Variants in DMD observed in about 807,000 individuals in gnomAD.
The protein encoded by DMD is dystrophin, also known as mutant dystrophin.
Under a neutral mutation model 330.1 loss-of-function variants are expected in DMD, and 63 were observed. The ratio of observed to expected loss-of-function variants is 0.19; its 90% CI spans 0.16 to 0.24. The LOEUF is 0.24. Ranked by LOEUF, DMD falls within the 10% of genes least tolerant of loss-of-function variation. DMD has a pLI of 1.00. For missense variants in DMD, 3,344 were observed against 2,684.1 expected (o/e 1.25, Z -5.43); for synonymous variants, 1,223 against 959.8 (o/e 1.27, Z -5.07).
chrX:32,868,670 C>A (rs1378625802), intron 2 of DMD, among the ~76,000 whole-genome samples: 1 of 112,746 alleles, frequency 8.9e-6, no homozygotes, highest in Non-Finnish European at 1.9e-5. Context: ...GGACTCTGAC[C>A]CATCCCTCCT....
intron 36 of DMD, among the ~76,000 whole-genome samples, chrX:32,363,416 G>T (rs1327827082): frequency 3.6e-5 from 4 of 111,849 alleles, no homozygotes; most frequent in African/African-American, 9.7e-5. Flanking sequence ...GCACTTTCAA[G>T]TTCCTCTTTA....
chrX:32,558,409 G>C (rs1463343791), intron 16 of DMD, among the ~76,000 whole-genome samples: 1 of 111,839 alleles, frequency 8.9e-6, no homozygotes, highest in East Asian at 2.8e-4. Context: ...ACTTGTATTT[G>C]TCTTTATGTG....
intron 60 of DMD, among the ~76,000 whole-genome samples, chrX:31,439,564 T>C (rs1425936968): frequency 2.7e-5 from 3 of 112,244 alleles, no homozygotes. Flanking sequence ...ATCTAATAGC[T>C]GGAAATGCCT....
intron 44 of DMD, among the ~76,000 whole-genome samples, chrX:32,201,687 A>G (rs963608927): frequency 9.0e-6 from 1 of 111,409 alleles, no homozygotes; most frequent in Non-Finnish European, 1.9e-5. Context: ...TTCCAAATCC[A>G]CTATAGTTCT....
intron 48 of DMD, among the ~76,000 whole-genome samples, chrX:31,844,725 C>G (rs867854078): frequency 9.0e-6 from 1 of 111,223 alleles, no homozygotes. Flanking sequence ...GTAGTTAGCC[C>G]TGTAGAGATC....
chrX:33,203,975 A>G (rs2051422220), intron 1 of DMD, among the ~76,000 whole-genome samples: 1 of 110,940 alleles, frequency 9.0e-6, no homozygotes, highest in Non-Finnish European at 1.9e-5. Flanking sequence ...ACCAATTCCT[A>G]TTGATTCTAT....
At chrX:33,123,509 C>T (rs1367509500) in intron 1 of DMD, among the ~76,000 whole-genome samples, 2 of 110,415 alleles carry the variant, frequency 1.8e-5, no homozygotes, top group Non-Finnish European at 3.8e-5. Flanking sequence ...CTCCGCCTCC[C>T]GGGTTCAAGC....
intron 2 of DMD, among the ~76,000 whole-genome samples, chrX:33,008,889 C>A (rs1282951510): frequency 1.3e-5 from 1 of 76,339 alleles, no homozygotes; most frequent in Non-Finnish European, 2.6e-5. Flanking sequence ...TGTATATATA[C>A]GTGTATATAT....
chrX:32,050,142 A>T (rs1401403908), intron 44 of DMD, among the ~76,000 whole-genome samples: 2 of 111,773 alleles, frequency 1.8e-5, no homozygotes, highest in Non-Finnish European at 3.8e-5. Flanking sequence ...ACAAATGTGC[A>T]GGTCCGGAAA....
intron 1 of DMD, among the ~76,000 whole-genome samples, chrX:33,045,303 C>G (rs1363434712): frequency 2.1e-5 from 2 of 96,874 alleles, no homozygotes; most frequent in Non-Finnish European, 4.1e-5. Context: ...GAACTACACA[C>G]ACACAGGTGC....
chrX:33,307,798 G>A (rs1369016256), intron 1 of DMD, among the ~76,000 whole-genome samples: 1 of 111,296 alleles, frequency 9.0e-6, no homozygotes, highest in Non-Finnish European at 1.9e-5. Flanking sequence ...CTATTGTTAG[G>A]GTAGAAAGCA....
At chrX:32,269,859 C>A (rs2097359187) in intron 43 of DMD, among the ~76,000 whole-genome samples, 1 of 111,899 alleles carries the variant, frequency 8.9e-6, no homozygotes, top group Non-Finnish European at 1.9e-5. Flanking sequence ...GGAGTCCTTC[C>A]CTCATCACTG....
At chrX:32,697,645 C>A (rs1168848366) in intron 9 of DMD, among the ~76,000 whole-genome samples, 1 of 111,292 alleles carries the variant, frequency 9.0e-6, no homozygotes, top group Non-Finnish European at 1.9e-5. Context: ...AAAGTAGAAA[C>A]CATTACGGGA....
rs1212609852 is a variant in DMD at position 32,797,809 on chromosome X, TA to T, written c.649+11683del. Among the ~76,000 whole-genome samples the T allele has an allele frequency of 7.1e-3, 752 of 105,295 alleles. 1 individual carries two copies. Among genetic ancestry groups the T allele is most frequent in the African/African-American group, 9.0e-3 (263 of 29,317 alleles). 91.4% of individuals were successfully genotyped at this position (105,295 alleles called of 115,157 possible). ...AGGATATTGTTATTTCACCTGTAAT[TA>T]AAAAAAAAAAGTTGTGAAAATAATC... On this transcript the variant is annotated intron_variant, in intron 7 of 78. Transcript: ENST00000357033.
intron 57 of DMD, among the ~76,000 whole-genome samples, chrX:31,491,446 G>C (rs1232776448): frequency 8.9e-6 from 1 of 112,319 alleles, no homozygotes; most frequent in Non-Finnish European, 1.9e-5. Flanking sequence ...AATTGAAAAC[G>C]AGTCAGTCTA....
chrX:33,150,760 C>A (rs1030042119), intron 1 of DMD, among the ~76,000 whole-genome samples: 1 of 109,567 alleles, frequency 9.1e-6, no homozygotes, highest in African/African-American at 3.3e-5. Context: ...ATTTCATGCT[C>A]TTTTCCAGGC....
chrX:32,166,896 T>C (rs1355482774), intron 44 of DMD, among the ~76,000 whole-genome samples: 1 of 112,059 alleles, frequency 8.9e-6, no homozygotes, highest in Admixed American at 9.5e-5. Flanking sequence ...TTTTAAATAA[T>C]AAAGTTGAGC....
intron 55 of DMD, among the ~76,000 whole-genome samples, chrX:31,554,513 C>T: frequency 8.9e-6 from 1 of 111,997 alleles, no homozygotes; most frequent in South Asian, 3.8e-4. Context: ...AGGCGTTGAT[C>T]ATATTTTACA....
intron 1 of DMD, among the ~76,000 whole-genome samples, chrX:33,051,940 C>T (rs1466234792): frequency 9.0e-6 from 1 of 110,916 alleles, no homozygotes; most frequent in African/African-American, 3.3e-5. Flanking sequence ...TGAGTCACCG[C>T]GCCCGACCTA....
Sources: allele counts gnomAD v4.1 joint callset (sites outside exome capture counted in the v4.1 genomes callset), GRCh38; gene constraint gnomAD v4.1.1; transcripts MANE v1.5; gene names NCBI Gene and HGNC (gene_info 2026-07-23, HGNC 2026-07-21).